BPTF: variants seen among roughly 807,000 people sequenced by gnomAD.
BPTF encodes the protein bromodomain PHD finger transcription factor.
In BPTF, 18 loss-of-function variants were observed where a neutral mutation model predicts 292.5. That is an observed-to-expected ratio of 0.06 (90% CI 0.04 to 0.09). The LOEUF is 0.09. Among genes scored for constraint, BPTF ranks in the 10% least tolerant of loss-of-function variants. The pLI, the probability that BPTF is intolerant of heterozygous loss-of-function variation, is 1.00. For synonymous variants in BPTF, 1,225 were observed against 1,251.9 expected, an observed-to-expected ratio of 0.98 and a Z score of 0.45; for missense variants, 2,726 against 3,498.7, an observed-to-expected ratio of 0.78 and a Z score of 5.57.
At chr17:67,941,146 A>G (rs143185448) in intron 19 of BPTF, among the ~76,000 whole-genome samples, 1 of 152,316 alleles carries the variant, frequency 6.6e-6, no homozygotes, top group African/African-American at 2.4e-5. Flanking sequence ...ATATATGATA[A>G]CTTGATATCA....
chr17:67,932,872 C>T (rs1277565043), intron 18 of BPTF, among the ~76,000 whole-genome samples: 2 of 151,912 alleles, frequency 1.3e-5, no homozygotes, highest in African/African-American at 4.8e-5. Flanking sequence ...ACAAGGATGG[C>T]CCTACTGATA....
At chr17:67,915,083 C>A (rs924712051) in intron 11 of BPTF, among the ~76,000 whole-genome samples, 1 of 152,170 alleles carries the variant, frequency 6.6e-6, no homozygotes, top group Non-Finnish European at 1.5e-5. Context: ...TAGAATACAT[C>A]TGATGGTTAG....
rs577911097 is a variant in BPTF at position 67,925,892 on chromosome 17, C to G, written c.5751+1303C>G. On this transcript the variant is annotated intron_variant, in intron 15 of 27. Transcript: ENST00000306378. ...TATGATGCTGTCTGTCACAGGAAACCAATCACTAAACCCAAATATCTATAA... is the reference window on the plus strand; with the variant it reads ...TATGATGCTGTCTGTCACAGGAAACGAATCACTAAACCCAAATATCTATAA... Among the ~76,000 whole-genome samples, 4 of 151,892 alleles carry G rather than the reference C, an allele frequency of 2.6e-5. No individual in the cohort carries two copies. In the East Asian group the frequency reaches 7.7e-4, roughly 29 times the overall value.
chr17:67,911,432 A>G lies in BPTF; in HGVS notation c.3548A>G (p.Asn1183Ser). The G allele has an allele frequency of 6.2e-7, 1 of 1,614,170 alleles. No individual in the cohort carries two copies. Among genetic ancestry groups the G allele is most frequent in the Non-Finnish European group, 8.5e-7 (1 of 1,180,024 alleles). The stretch of plus-strand genomic sequence containing the variant: ...CCAGAAACAAAATGTCCGAAACAAA[A>G]TTCCATTGAAAATGACATAGAAGAA... Reference protein sequence around the residue: ...RSPETKCPKQNSIENDIEEKV... With the variant: ...RSPETKCPKQSSIENDIEEKV... The change falls in exon 11 of 28, where the codon AAT becomes AGT. Residue 1183 changes from asparagine (N) to serine (S), a missense_variant. Around this residue, in one of 22 missense-constraint regions of BPTF, gnomAD observed 713 missense variants for 714.9 expected, o/e 1.00. Transcript: ENST00000306378.
intron 15 of BPTF, among the ~76,000 whole-genome samples, chr17:67,927,472 A>G (rs2064013748): frequency 6.6e-6 from 1 of 152,254 alleles, no homozygotes; most frequent in South Asian, 2.1e-4. Context: ...TGAATGTATA[A>G]TAGAAGAAGT....
In BPTF at chr17:67,959,636, ACCAGCTCCT is replaced by A. The variant is rs1466624879; in HGVS notation, c.8028_8036del (p.Ala2682_Pro2684del). 9 of 1,457,318 alleles carry A rather than the reference ACCAGCTCCT, an allele frequency of 6.2e-6. No homozygotes were observed. The highest frequency in any genetic ancestry group is 5.7e-5 in the East Asian group (2 of 35,196). The allele number at this position is 1,457,318 out of a possible 1,614,324, so 90.3% of individuals were successfully genotyped here. On this transcript the variant is annotated inframe_deletion, in exon 24 of 28. Coordinates refer to ENST00000306378, the MANE Select transcript of BPTF (RefSeq NM_182641.4). ...TAGCTGCACCCTGCCCCCCAGTGAC[ACCAGCTCCT>A]CCAGCCCCTCCAGCCCCTCCACCTT...
At chr17:67,826,730 C>A (rs896118192) in intron 1 of BPTF, among the ~76,000 whole-genome samples, 2 of 152,096 alleles carry the variant, frequency 1.3e-5, no homozygotes, top group Admixed American at 6.6e-5. Context: ...AAAGAAGCCT[C>A]TTGTTTTGCA....
chr17:67,918,687 T>C (rs1218776562), intron 11 of BPTF, 27 bp from the exon 12 acceptor site: 1 of 1,596,214 alleles, frequency 6.3e-7, no homozygotes, highest in Non-Finnish European at 8.6e-7. Flanking sequence ...TATAGATATA[T>C]ATGGATTTCT....
intron 1 of BPTF, among the ~76,000 whole-genome samples, chr17:67,827,254 G>T (rs1187516521): frequency 6.6e-6 from 1 of 152,146 alleles, no homozygotes. Context: ...CACGGCATCA[G>T]TATCAGATTT....
At chr17:67,919,943 G>A in intron 12 of BPTF, 72 bp from the exon 13 acceptor site, 1 of 1,439,302 alleles carries the variant, frequency 6.9e-7, no homozygotes, top group African/African-American at 1.4e-5. Context: ...CTTTTTGAAA[G>A]CACCAGATGT....
chr17:67,960,404 T>A (rs1203097438), intron 24 of BPTF: 1 of 152,210 alleles, frequency 6.6e-6, no homozygotes, highest in African/African-American at 2.4e-5. Flanking sequence ...CACTTTCTTA[T>A]CAGAGACAAA....
At chr17:67,878,681 CGT>C (rs61427510) in intron 4 of BPTF, among the ~76,000 whole-genome samples, 11,752 of 149,686 alleles carry the variant, frequency 0.079, 1,525 homozygotes, top group African/African-American at 0.27. Context: ...TTTATGTGTT[CGT>C]GTGTGTGTGT....
chr17:67,908,704 G>C (rs1473783053), intron 9 of BPTF, among the ~76,000 whole-genome samples: 1 of 149,282 alleles, frequency 6.7e-6, no homozygotes, highest in African/African-American at 2.5e-5. Context: ...TGGCTAGGCT[G>C]GTCTTGAACT....
rs982493326 is a variant in BPTF, at chr17:67,973,053, T to A, written c.8540-2719T>A. On this transcript the variant is annotated intron_variant, in intron 26 of 27. Transcript: ENST00000306378. ...TATATATATTTATATATATATATATTTTATATATATATAAATATATATATA... is the reference window on the plus strand; with the variant it reads ...TATATATATTTATATATATATATATATTATATATATATAAATATATATATA... Among the ~76,000 whole-genome samples the A allele has an allele frequency of 2.9e-3, 415 of 142,524 alleles. 6 individuals carry two copies. The highest frequency in any genetic ancestry group is 4.8e-3 in the Non-Finnish European group (312 of 65,636). 93.5% of individuals were successfully genotyped at this position (142,524 alleles called of 152,430 possible).
chr17:67,884,168 C>T (rs555593974), intron 4 of BPTF, among the ~76,000 whole-genome samples: 1 of 144,354 alleles, frequency 6.9e-6, no homozygotes, highest in East Asian at 2.0e-4. Flanking sequence ...GAAACAATCT[C>T]GTGCTGTCAC....
intron 1 of BPTF, among the ~76,000 whole-genome samples, chr17:67,835,038 A>G (rs1567861487): frequency 6.6e-6 from 1 of 152,054 alleles, no homozygotes; most frequent in African/African-American, 2.4e-5. Flanking sequence ...ATAGTAAGAC[A>G]CTGTCTTTAC....
intron 25 of BPTF, 160 bp from the exon 26 acceptor site, chr17:67,966,412 T>G: frequency 1.9e-6 from 1 of 531,158 alleles, no homozygotes; most frequent in African/African-American, 2.2e-5. Context: ...GAAGCTCATC[T>G]TAGGTAACTA....
intron 19 of BPTF, among the ~76,000 whole-genome samples, chr17:67,943,720 C>T (rs2065577267): frequency 6.6e-6 from 1 of 152,132 alleles, no homozygotes; most frequent in Non-Finnish European, 1.5e-5. Flanking sequence ...AGAATATTTT[C>T]TCTGCCTACC....
intron 26 of BPTF, among the ~76,000 whole-genome samples, chr17:67,972,244 TA>T (rs11295073): frequency 0.018 from 2,698 of 152,256 alleles, 73 homozygotes; most frequent in African/African-American, 0.057. Context: ...TTTATTATTT[TA>T]TTTTTTTTGA....
Sources: gnomAD v4.1 joint callset for allele counts (sites outside exome capture counted in the v4.1 genomes callset) on GRCh38, gnomAD v4.1.1 for gene constraint, gnomAD v4.1.1 regional missense constraint, MANE v1.5 for transcripts, NCBI Gene and HGNC (gene_info 2026-07-23, HGNC 2026-07-21) for gene names.